Variants in FKBP5 observed in about 807,000 individuals in gnomAD.
FKBP5 encodes FKBP prolyl isomerase 5, also known as peptidyl-prolyl cis-trans isomerase FKBP5.
Under a neutral mutation model 50.5 loss-of-function variants are expected in FKBP5, and 23 were observed. That is an observed-to-expected ratio of 0.46 (90% CI 0.33 to 0.65). FKBP5 has a LOEUF of 0.65. FKBP5 is among the 30% of genes least tolerant of loss of function. FKBP5 has a pLI of 0.02. For synonymous variants in FKBP5, 176 were observed against 190.6 expected (o/e 0.92, Z 0.63); for missense variants, 411 against 553.1 (o/e 0.74, Z 2.58).
chr6:35,585,832 T>C, intron 8 of FKBP5: 1 of 985,406 alleles, frequency 1.0e-6, no homozygotes, highest in Non-Finnish European at 1.2e-6. Flanking sequence ...TTGTCTCAGC[T>C]CAAATTCTGA....
chr6:35,581,242 TATATATA>T (rs1762417951), intron 8 of FKBP5: 17 of 641,120 alleles, frequency 2.7e-5, no homozygotes, highest in Non-Finnish European at 3.3e-5. Context: ...GTCTGTCAGT[TATATATA>T]ATATATATAA....
chr6:35,616,486 T>G (rs1015910182), intron 5 of FKBP5, among the ~76,000 whole-genome samples: 9 of 152,080 alleles, frequency 5.9e-5, no homozygotes, highest in Non-Finnish European at 1.0e-4. Flanking sequence ...GTACTGTGAT[T>G]AGGTAAGATG....
chr6:35,589,752 T>C lies in FKBP5; in HGVS notation c.756+1378A>G, dbSNP rs972122303. On this transcript the variant is annotated intron_variant, in intron 7 of 10. Coordinates refer to ENST00000357266, the MANE Select transcript of FKBP5 (RefSeq NM_004117.4). ...AACACCATATGCTATGACAACAGCATTGGGGGATCAGTGCTGAGCTAGCAG... is the reference window on the plus strand; with the variant it reads ...AACACCATATGCTATGACAACAGCACTGGGGGATCAGTGCTGAGCTAGCAG... Among the ~76,000 whole-genome samples the C allele has an allele frequency of 2.6e-5, 4 of 152,186 alleles. No homozygotes were observed. In the East Asian group the frequency reaches 5.8e-4, roughly 22 times the overall value.
chr6:35,591,297 T>G, intron 6 of FKBP5, 77 bp from the exon 7 acceptor site: 1 of 941,428 alleles, frequency 1.1e-6, no homozygotes, highest in Non-Finnish European at 1.7e-6. Flanking sequence ...TTTTGAGGCA[T>G]CAACAGAGCT....
chr6:35,628,466 A>G (rs1052963999), intron 3 of FKBP5, among the ~76,000 whole-genome samples: 1 of 152,230 alleles, frequency 6.6e-6, no homozygotes, highest in African/African-American at 2.4e-5. Flanking sequence ...CTGACAAACA[A>G]GGTTAATCAC....
intron 8 of FKBP5, chr6:35,581,881 T>C: frequency 1.0e-6 from 1 of 985,540 alleles, no homozygotes; most frequent in South Asian, 4.7e-5. Context: ...AAGCAGCGCG[T>C]ACATCTCACT....
Position 35,642,700 on chromosome 6 carries a change from A to T in FKBP5, c.105+20T>A. ...CAGACAGCAGGTTTCCTTGTATGTCACTCAGCTTTGTGGCCTCACCTTTAA... is the reference window on the plus strand; with the variant it reads ...CAGACAGCAGGTTTCCTTGTATGTCTCTCAGCTTTGTGGCCTCACCTTTAA... On this transcript the variant is annotated intron_variant, in intron 2 of 10. Coordinates refer to ENST00000357266, the MANE Select transcript of FKBP5 (RefSeq NM_004117.4). The T allele has an allele frequency of 6.3e-7, 1 of 1,589,012 alleles. No homozygotes were observed. The highest frequency in any genetic ancestry group is 8.6e-7 in the Non-Finnish European group (1 of 1,158,972).
chr6:35,635,009 G>A (rs1764266845), intron 3 of FKBP5, among the ~76,000 whole-genome samples: 1 of 135,648 alleles, frequency 7.4e-6, no homozygotes, highest in Admixed American at 7.5e-5. Flanking sequence ...GGGCAACATG[G>A]TGAAACCCTG....
intron 6 of FKBP5, among the ~76,000 whole-genome samples, chr6:35,593,886 G>A (rs915769522): frequency 2.0e-5 from 3 of 151,790 alleles, no homozygotes; most frequent in African/African-American, 4.8e-5. Context: ...GGGTTCATGC[G>A]TGACAGAAAC....
At chr6:35,606,043 C>T (rs539966553) in intron 5 of FKBP5, among the ~76,000 whole-genome samples, 11 of 152,116 alleles carry the variant, frequency 7.2e-5, no homozygotes, top group Non-Finnish European at 1.5e-4. Context: ...AAATCAAATG[C>T]AACAAAAAGA....
chr6:35,616,245 GTGGA>G (rs1763652364), intron 5 of FKBP5, among the ~76,000 whole-genome samples: 3 of 150,854 alleles, frequency 2.0e-5, no homozygotes, highest in African/African-American at 7.3e-5. Flanking sequence ...AACCCAGGAG[GTGGA>G]GGTTGCAGTG....
intron 1 of FKBP5, among the ~76,000 whole-genome samples, chr6:35,683,085 TAA>T (rs960356923): frequency 7.5e-5 from 11 of 146,720 alleles, no homozygotes; most frequent in African/African-American, 2.2e-4. Context: ...GCTCTTTCTT[TAA>T]AAAAAAAAGT....
chr6:35,576,669 G>A (rs1240033641), intron 10 of FKBP5, among the ~76,000 whole-genome samples: 3 of 135,418 alleles, frequency 2.2e-5, no homozygotes, highest in Admixed American at 7.4e-5. Flanking sequence ...ACTCTGACTC[G>A]GGCAGGGGCC....
chr6:35,689,484 A>G (rs1354251688), upstream of FKBP5, among the ~76,000 whole-genome samples: 1 of 151,950 alleles, frequency 6.6e-6, no homozygotes, highest in Non-Finnish European at 1.5e-5. Flanking sequence ...TAAAGACCAT[A>G]CTTTCTCTTG....
chr6:35,722,186 T>A (rs1445389708), intron 1 of FKBP5, among the ~76,000 whole-genome samples: 2 of 152,076 alleles, frequency 1.3e-5, no homozygotes, highest in South Asian at 2.1e-4. Flanking sequence ...GTTTTTTTTT[T>A]ATGGCCTGTC....
intron 5 of FKBP5, among the ~76,000 whole-genome samples, chr6:35,604,748 C>T (rs1220459309): frequency 1.3e-5 from 2 of 151,948 alleles, no homozygotes; most frequent in Non-Finnish European, 1.5e-5. Context: ...TTTGTAATCA[C>T]TGATATGAGT....
chr6:35,695,651 C>G (rs1370728129), intron 2 of FKBP5, among the ~76,000 whole-genome samples: 1 of 152,184 alleles, frequency 6.6e-6, no homozygotes, highest in Non-Finnish European at 1.5e-5. Context: ...CAAACAAATT[C>G]AGCAAGGTTG....
chr6:35,662,001 T>C (rs1383474946), intron 1 of FKBP5, among the ~76,000 whole-genome samples: 1 of 152,256 alleles, frequency 6.6e-6, no homozygotes. Flanking sequence ...TGGTATACTT[T>C]CAACATTAGT....
intron 2 of FKBP5, among the ~76,000 whole-genome samples, chr6:35,642,173 T>G (rs1277368896): frequency 1.3e-5 from 2 of 152,162 alleles, no homozygotes; most frequent in East Asian, 3.8e-4. Flanking sequence ...TAGGGAAATA[T>G]AGCCCTTTAG....
Sources: gnomAD v4.1 joint callset for allele counts (sites outside exome capture counted in the v4.1 genomes callset) on GRCh38, gnomAD v4.1.1 for gene constraint, MANE v1.5 for transcripts, NCBI Gene and HGNC (gene_info 2026-07-23, HGNC 2026-07-21) for gene names.